CHST8: variants seen among roughly 807,000 people sequenced by gnomAD.
CHST8 encodes the protein carbohydrate sulfotransferase 8, also known as GALNAC-4-ST1.
Under a neutral mutation model 15.0 loss-of-function variants are expected in CHST8, and 10 were observed. The observed-to-expected ratio is 0.67, with a 90% CI of 0.41 to 1.13. The LOEUF is 1.13. Ranked by LOEUF, CHST8 falls within the 50% of genes most tolerant of loss-of-function variation. CHST8 has a pLI of 0.00. For missense variants in CHST8, 634 were observed against 608.2 expected, an observed-to-expected ratio of 1.04 and a Z score of -0.45; for synonymous variants, 259 against 256.6, an observed-to-expected ratio of 1.01 and a Z score of -0.09.
chr19:33,757,486 GAAAGAAAGAAAGAAAGAAAGAAAGAA>G (rs1974598770), intron 3 of CHST8, among the ~76,000 whole-genome samples: 1 of 45,212 alleles, frequency 2.2e-5, no homozygotes, highest in African/African-American at 9.3e-5. Context: ...AAGAAAGAAA[GAAAGAAAGAAAGAAAGAAAGAAAGAA>G]AGAAAGAAAG....
At chr19:33,739,266 C>T (rs58630991) in intron 3 of CHST8, among the ~76,000 whole-genome samples, 4 of 152,264 alleles carry the variant, frequency 2.6e-5, no homozygotes, top group South Asian at 2.1e-4. Flanking sequence ...CTCTCTCCCC[C>T]CTCCTCCACA....
intron 2 of CHST8, among the ~76,000 whole-genome samples, chr19:33,672,567 GC>G (rs1972753422): frequency 6.6e-6 from 1 of 152,190 alleles, no homozygotes; most frequent in Non-Finnish European, 1.5e-5. Context: ...AAGTTCTTAG[GC>G]AGATGTGTTT....
intron 3 of CHST8, among the ~76,000 whole-genome samples, chr19:33,755,471 A>AGTGAATCACCTCTCACT (rs6146510): frequency 0.021 from 3,226 of 152,334 alleles, 55 homozygotes; most frequent in East Asian, 0.028. Context: ...GCTGAGCAGC[A>AGTGAATCACCTCTCACT]GTGAATCACC....
chr19:33,691,363 A>T (rs1470525212), intron 3 of CHST8, among the ~76,000 whole-genome samples: 1 of 152,178 alleles, frequency 6.6e-6, no homozygotes, highest in East Asian at 1.9e-4. Context: ...CACCCTCACC[A>T]CGTGCCAGGT....
intron 2 of CHST8, 91 bp from the exon 3 acceptor site, chr19:33,689,085 G>A (rs2145256654): frequency 3.3e-6 from 2 of 599,320 alleles, no homozygotes; most frequent in Non-Finnish European, 5.2e-6. Context: ...AGTCATCCGG[G>A]GATTGCACTT....
rs77680114 is a variant in CHST8, at chr19:33,705,704, T to C, written c.130+16313T>C. 9.6e-3 allele frequency among the ~76,000 whole-genome samples: 1,465 copies of C among 152,148 alleles called. 21 individuals are homozygous for C. The highest frequency in any genetic ancestry group is 0.033 in the African/African-American group (1,380 of 41,514). On this transcript the variant is annotated intron_variant, in intron 3 of 4. Coordinates refer to ENST00000650847, the MANE Select transcript of CHST8 (RefSeq NM_001127895.2). ...GTGTGGCAGGCATGGCCACCCTGGC[T>C]CCCTTTCTGCCCCCCTAGGGCACCA... is the stretch of plus-strand genomic sequence containing the variant.
chr19:33,624,715 T>C (rs1972029468), intron 1 of CHST8, among the ~76,000 whole-genome samples: 1 of 152,234 alleles, frequency 6.6e-6, no homozygotes, highest in South Asian at 2.1e-4. Flanking sequence ...TCCCCTGCTC[T>C]GAGCTCTGAG....
At position 33,694,093 on chromosome 19, in the gene CHST8, CATATATAT is replaced by C. The variant is rs3040787; in HGVS notation, c.130+4732_130+4739del. 8.0e-3 allele frequency among the ~76,000 whole-genome samples: 252 copies of C among 31,388 alleles called. 6 individuals are homozygous for C. The highest frequency in any genetic ancestry group is 0.012 in the East Asian group (13 of 1,068). The allele number at this position is 31,388 out of a possible 152,430, so 20.6% of individuals were successfully genotyped here. ...CATACAGATTCTGTTGTAGTTTATT[CATATATAT>C]ATATATATATATATATATATATATA... On this transcript the variant is annotated intron_variant, in intron 3 of 4. Coordinates refer to ENST00000650847, the MANE Select transcript of CHST8 (RefSeq NM_001127895.2).
intron 1 of CHST8, among the ~76,000 whole-genome samples, chr19:33,667,103 T>C (rs977153416): frequency 3.9e-4 from 60 of 152,106 alleles, no homozygotes; most frequent in Non-Finnish European, 5.9e-5. Context: ...GGTTTGCACA[T>C]AGTGAGGCTG....
chr19:33,674,624 G>A (rs926793490), intron 2 of CHST8, among the ~76,000 whole-genome samples: 3 of 152,280 alleles, frequency 2.0e-5, no homozygotes, highest in East Asian at 1.9e-4. Context: ...ACCCTGAGGC[G>A]GAGAGCGGGC....
At chr19:33,690,562 G>A (rs958571757) in intron 3 of CHST8, among the ~76,000 whole-genome samples, 2 of 152,206 alleles carry the variant, frequency 1.3e-5, no homozygotes, top group Admixed American at 6.5e-5. Context: ...CCATGGGCAG[G>A]CGAATGAGTT....
At chr19:33,663,373 C>T (rs1386549561) in intron 1 of CHST8, among the ~76,000 whole-genome samples, 3 of 151,952 alleles carry the variant, frequency 2.0e-5, no homozygotes, top group Non-Finnish European at 2.9e-5. Context: ...GAAATGAGCC[C>T]GGGCAACATA....
chr19:33,692,137 C>T (rs868348893), intron 3 of CHST8, among the ~76,000 whole-genome samples: 19 of 133,026 alleles, frequency 1.4e-4, no homozygotes, highest in Middle Eastern at 7.6e-3. Context: ...GTAAATCAAA[C>T]CACATTTTAA....
chr19:33,651,636 C>T (rs1972450422), intron 1 of CHST8, among the ~76,000 whole-genome samples: 1 of 152,094 alleles, frequency 6.6e-6, no homozygotes, highest in African/African-American at 2.4e-5. Context: ...CCTTGTGATT[C>T]TTTGACTCAT....
intron 3 of CHST8, among the ~76,000 whole-genome samples, chr19:33,754,370 A>C (rs1424538641): frequency 6.6e-6 from 1 of 151,340 alleles, no homozygotes; most frequent in Non-Finnish European, 1.5e-5. Flanking sequence ...TTGCTACAGC[A>C]CTCTAGGCTG....
intron 2 of CHST8, among the ~76,000 whole-genome samples, chr19:33,681,499 G>A (rs1419354657): frequency 5.9e-5 from 9 of 152,150 alleles, no homozygotes; most frequent in Admixed American, 5.9e-4. Context: ...GCCTCCCTGA[G>A]GACATGTCAT....
intron 1 of CHST8, among the ~76,000 whole-genome samples, chr19:33,622,996 T>A (rs1972005492): frequency 6.6e-6 from 1 of 152,118 alleles, no homozygotes; most frequent in Non-Finnish European, 1.5e-5. Flanking sequence ...TGACGGCGGC[T>A]GCAACTCCGG....
intron 1 of CHST8, among the ~76,000 whole-genome samples, chr19:33,659,822 A>T (rs1307526099): frequency 1.3e-5 from 2 of 152,210 alleles, no homozygotes; most frequent in African/African-American, 4.8e-5. Flanking sequence ...AAAAAAAATA[A>T]AAATAAAGAG....
intron 1 of CHST8, among the ~76,000 whole-genome samples, chr19:33,654,274 A>G (rs1238503267): frequency 6.6e-6 from 1 of 152,174 alleles, no homozygotes; most frequent in Non-Finnish European, 1.5e-5. Flanking sequence ...AATTTAAAAT[A>G]TAAATGTTAG....
Sources: allele counts gnomAD v4.1 joint callset (sites outside exome capture counted in the v4.1 genomes callset), GRCh38; gene constraint gnomAD v4.1.1; transcripts MANE v1.5; gene names NCBI Gene and HGNC (gene_info 2026-07-23, HGNC 2026-07-21).